PIGN: variants seen among roughly 807,000 people sequenced by gnomAD.
PIGN encodes GPI ethanolamine phosphate transferase 1.
PIGN carries 117 observed loss-of-function variants against 125.4 expected under a neutral mutation model. That is an observed-to-expected ratio of 0.93 (90% CI 0.80 to 1.09). PIGN has a LOEUF of 1.09. PIGN is among the 50% of genes least tolerant of loss of function. PIGN has a pLI of 0.00. For missense variants in PIGN, 1,075 were observed against 1,094.9 expected (o/e 0.98, Z 0.26); for synonymous variants, 392 against 377.8 (o/e 1.04, Z -0.44).
chr18:62,059,929 T>A (rs75950077), intron 30 of PIGN, among the ~76,000 whole-genome samples: 2,761 of 152,326 alleles, frequency 0.018, 86 homozygotes, highest in African/African-American at 0.062. Flanking sequence ...AAATATTAAA[T>A]CTGATTTGAT....
chr18:62,138,147 CTGTA>C lies in PIGN; in HGVS notation c.1172+92_1172+95del, dbSNP rs1452260925. ...ACACTAATGTATATAAAATGGCAAA[CTGTA>C]TAAGTAAACTAATCCTATCACTCAG... is the stretch of plus-strand genomic sequence containing the variant. On this transcript the variant is annotated intron_variant, in intron 14 of 30. Coordinates refer to ENST00000640252, the MANE Select transcript of PIGN (RefSeq NM_176787.5). The C allele has an allele frequency of 2.0e-6, 3 of 1,470,744 alleles. No homozygotes were observed. The African/African-American group carries it at 4.3e-5, about 21-fold the overall frequency. The allele number at this position is 1,470,744 out of a possible 1,614,324, so 91.1% of individuals were successfully genotyped here. A position where few individuals can be genotyped will look rare whatever the true frequency, so the allele number is the denominator to read the frequency against.
intron 22 of PIGN, among the ~76,000 whole-genome samples, chr18:62,100,750 T>C (rs2034404053): frequency 6.6e-6 from 1 of 152,322 alleles, no homozygotes; most frequent in East Asian, 1.9e-4. Flanking sequence ...AGAGAATTTA[T>C]GAATTGGCAT....
chr18:62,162,893 A>G (rs1413602213), intron 2 of PIGN, among the ~76,000 whole-genome samples: 1 of 152,158 alleles, frequency 6.6e-6, no homozygotes, highest in Non-Finnish European at 1.5e-5. Flanking sequence ...CTAAATTATC[A>G]ATATGAATGT....
At chr18:62,113,382 G>C in intron 15 of PIGN, 66 bp from the exon 16 acceptor site, 1 of 1,276,412 alleles carries the variant, frequency 7.8e-7, no homozygotes. Context: ...TTTAAAGAAA[G>C]GAAAATTTTA....
intron 28 of PIGN, among the ~76,000 whole-genome samples, chr18:62,081,699 T>G (rs2033456979): frequency 1.3e-5 from 2 of 152,168 alleles, no homozygotes; most frequent in Admixed American, 1.3e-4. Context: ...CCAACAAAGA[T>G]GCAGGAAAGT....
At chr18:62,128,877 C>T (rs1208154230) in intron 14 of PIGN, among the ~76,000 whole-genome samples, 1 of 152,042 alleles carries the variant, frequency 6.6e-6, no homozygotes, top group Non-Finnish European at 1.5e-5. Flanking sequence ...TAAGTTTCTT[C>T]TATTTGGCTT....
At chr18:62,049,466 T>A (rs1347541625) in intron 30 of PIGN, among the ~76,000 whole-genome samples, 1 of 151,892 alleles carries the variant, frequency 6.6e-6, no homozygotes, top group Non-Finnish European at 1.5e-5. Flanking sequence ...ATGGTGAGCA[T>A]TTTTTCATGT....
chr18:62,058,798 A>C (rs1317617836), intron 30 of PIGN: 2 of 152,158 alleles, frequency 1.3e-5, no homozygotes. Context: ...CAGAACTCTA[A>C]GGCTGACTCA....
intron 30 of PIGN, among the ~76,000 whole-genome samples, chr18:62,067,901 C>G (rs1348779015): frequency 6.6e-6 from 1 of 152,160 alleles, no homozygotes; most frequent in Admixed American, 6.5e-5. Context: ...TCTTTTCCCT[C>G]TAGGTCTCAC....
At chr18:62,022,194 G>A (rs184484105) in intron 23 of PIGN, among the ~76,000 whole-genome samples, 1 of 152,234 alleles carries the variant, frequency 6.6e-6, no homozygotes, top group East Asian at 1.9e-4. Flanking sequence ...CTCAAGGTGG[G>A]GGGATCATAT....
rs149318991 is a variant in PIGN, at chr18:62,169,338, A to G, written c.-235-5682T>C. 5.6e-3 allele frequency among the ~76,000 whole-genome samples: 845 copies of G among 152,230 alleles called. 10 individuals are homozygous for G. The highest frequency in any genetic ancestry group is 0.01 in the Middle Eastern group (3 of 294). On this transcript the variant is annotated intron_variant, in intron 1 of 30. Transcript: ENST00000640252. Reference sequence around the variant, plus strand: ...TGCACAGATATAGCATAATTTGTTTATTCACTCTCATGTTAACAGACACTT... The same window carrying G: ...TGCACAGATATAGCATAATTTGTTTGTTCACTCTCATGTTAACAGACACTT...
chr18:62,125,521 C>A (rs2035502022), intron 14 of PIGN, among the ~76,000 whole-genome samples: 1 of 151,974 alleles, frequency 6.6e-6, no homozygotes, highest in African/African-American at 2.4e-5. Flanking sequence ...TTCACATTCA[C>A]TTCCTGAAGT....
intron 8 of PIGN, among the ~76,000 whole-genome samples, chr18:62,147,950 ATTTTT>A (rs915792572): frequency 3.9e-5 from 6 of 151,978 alleles, no homozygotes; most frequent in African/African-American, 1.4e-4. Flanking sequence ...ATTTTAGATA[ATTTTT>A]TTCTCTGCTT....
intron 16 of PIGN, among the ~76,000 whole-genome samples, chr18:62,110,329 T>C (rs2034827675): frequency 6.6e-6 from 1 of 152,168 alleles, no homozygotes. Flanking sequence ...CAAAAGCCTA[T>C]TTAATCCATA....
chr18:62,066,310 C>G (rs1004941599), intron 30 of PIGN, among the ~76,000 whole-genome samples: 3 of 152,162 alleles, frequency 2.0e-5, no homozygotes, highest in African/African-American at 7.2e-5. Flanking sequence ...AACCACTGAT[C>G]GACTCTGTGA....
At chr18:62,021,933 T>C (rs1599374372) in intron 23 of PIGN, among the ~76,000 whole-genome samples, 1 of 152,208 alleles carries the variant, frequency 6.6e-6, no homozygotes, top group Admixed American at 6.5e-5. Context: ...GGCTACAGGA[T>C]TGAGTCCCAC....
chr18:62,041,479 G>A lies in PIGN; in HGVS notation c.*4377C>T, dbSNP rs1011935187. The A allele has an allele frequency of 4.6e-5, 7 of 152,094 alleles. No homozygotes were observed. The highest frequency in any genetic ancestry group is 1.5e-5 in the Non-Finnish European group (1 of 68,014). The allele number at this position is 152,094 out of a possible 1,614,324, so 9.4% of individuals were successfully genotyped here. ...AACTATGACAAATTAAGGTTTTAGTGCAAAATTATATGGAGACATTTCTTT... is the reference window on the plus strand; with the variant it reads ...AACTATGACAAATTAAGGTTTTAGTACAAAATTATATGGAGACATTTCTTT... On this transcript the variant is annotated 3_prime_UTR_variant, in exon 31 of 31. Transcript: ENST00000640252.
At chr18:62,147,621 TGGC>T (rs1410780370) in intron 8 of PIGN, among the ~76,000 whole-genome samples, 2 of 152,258 alleles carry the variant, frequency 1.3e-5, no homozygotes, top group African/African-American at 4.8e-5. Context: ...TATTCATCAC[TGGC>T]AGCTAACCCA....
chr18:62,095,999 A>G (rs1599506501), intron 22 of PIGN, 49 bp from the exon 23 acceptor site: 2 of 1,296,808 alleles, frequency 1.5e-6, no homozygotes, highest in Non-Finnish European at 2.2e-6. Context: ...GACACAAAAA[A>G]AATGTTAGCG....
Sources: gnomAD v4.1 joint callset for allele counts (sites outside exome capture counted in the v4.1 genomes callset) on GRCh38, gnomAD v4.1.1 for gene constraint, MANE v1.5 for transcripts, NCBI Gene and HGNC (gene_info 2026-07-23, HGNC 2026-07-21) for gene names.